Variants in ALG12 observed in about 807,000 individuals in gnomAD.
ALG12 encodes ALG12 alpha-1,6-mannosyltransferase.
Under a neutral mutation model 46.0 loss-of-function variants are expected in ALG12, and 36 were observed. The observed-to-expected ratio is 0.78, with a 90% CI of 0.60 to 1.03. The LOEUF (loss-of-function observed/expected upper bound fraction) is 1.03. Ranked by LOEUF, ALG12 falls within the 50% of genes least tolerant of loss-of-function variation. The probability of loss-of-function intolerance (pLI) is 0.00; values close to 1 mark genes in which losing one functional copy is unlikely to be tolerated. For synonymous variants in ALG12, 326 were observed against 291.6 expected (o/e 1.12, Z -1.20); for missense variants, 599 against 633.5 (o/e 0.95, Z 0.58).
chr22:49,914,743 A>T (rs996960511), intron 1 of ALG12, among the ~76,000 whole-genome samples: 16 of 152,120 alleles, frequency 1.1e-4, no homozygotes, highest in Middle Eastern at 3.2e-3. Flanking sequence ...TACTTTAAAA[A>T]TTTTTTTTAA....
chr22:49,903,227 C>T lies in ALG12; in HGVS notation c.*611G>A, dbSNP rs2060524046. On this transcript the variant is annotated 3_prime_UTR_variant, in exon 10 of 10. Coordinates refer to ENST00000330817, the MANE Select transcript of ALG12 (RefSeq NM_024105.4). ...TATTTTCTGTAATCTTGAGAGGTTC[C>T]AATCAACATTTATTGCCTTATTCTT... The T allele has an allele frequency of 4.8e-6, 2 of 414,798 alleles. No homozygotes were observed. The highest frequency in any genetic ancestry group is 9.5e-6 in the Non-Finnish European group (2 of 209,628). 25.7% of individuals were successfully genotyped at this position (414,798 alleles called of 1,614,324 possible).
chr22:49,862,719 T>TC, the ALG12 span, among the ~76,000 whole-genome samples: 3 of 105,056 alleles, frequency 2.9e-5, no homozygotes, highest in African/African-American at 8.4e-5. Context: ...TTTTTTTTTT[T>TC]AGACTTAAGT....
the ALG12 span, chr22:49,885,123 G>C: frequency 6.8e-6 from 11 of 1,614,120 alleles, no homozygotes; most frequent in Admixed American, 1.8e-4. Flanking sequence ...TCAGCCGGGG[G>C]AAGAAGGGTG....
the ALG12 span, among the ~76,000 whole-genome samples, chr22:49,890,433 C>T: frequency 6.6e-6 from 1 of 152,188 alleles, no homozygotes; most frequent in Non-Finnish European, 1.5e-5. Flanking sequence ...GAATTGCAGG[C>T]TCTGGGAATT....
In ALG12 at chr22:49,902,347, GGT is replaced by G. The variant is rs1232833964; in HGVS notation, c.*1489_*1490del. 2 of 127,446 alleles carry G rather than the reference GGT, an allele frequency of 1.6e-5. No homozygotes were observed. The highest frequency in any genetic ancestry group is 3.2e-5 in the Non-Finnish European group (2 of 62,620). The allele number at this position is 127,446 out of a possible 1,614,324, so 7.9% of individuals were successfully genotyped here. ...TAATGTGCACGTGTGCACTGTGTGTGGTGTGTATGCATGGTGTGTGCACGTGT... is the reference window on the plus strand; with the variant it reads ...TAATGTGCACGTGTGCACTGTGTGTGGTGTATGCATGGTGTGTGCACGTGT... On this transcript the variant is annotated 3_prime_UTR_variant, in exon 10 of 10. Coordinates refer to ENST00000330817, the MANE Select transcript of ALG12 (RefSeq NM_024105.4).
chr22:49,900,469 T>C lies in ALG12; in HGVS notation c.*3369A>G, dbSNP rs1035587996. ...CAAACGGGAAGGATGAACCCAGCTG[T>C]ATTTCCAACGAAGGCACCACTACAC... On this transcript the variant is annotated 3_prime_UTR_variant, in exon 10 of 10. Transcript: ENST00000330817. The C allele has an allele frequency of 1.3e-5, 2 of 152,180 alleles. No homozygotes were observed. The highest frequency in any genetic ancestry group is 2.9e-5 in the Non-Finnish European group (2 of 68,110). The allele number at this position is 152,180 out of a possible 1,614,324, so 9.4% of individuals were successfully genotyped here. A position where few individuals can be genotyped will look rare whatever the true frequency, so the allele number is the denominator to read the frequency against.
chr22:49,872,071 G>A, the ALG12 span, among the ~76,000 whole-genome samples: 2 of 152,214 alleles, frequency 1.3e-5, no homozygotes, highest in Admixed American at 6.5e-5. Context: ...AGACAATGAA[G>A]TTTGCTACAT....
downstream of ALG12, among the ~76,000 whole-genome samples, chr22:49,897,528 T>C (rs564520503): frequency 6.6e-6 from 1 of 152,324 alleles, no homozygotes; most frequent in African/African-American, 2.4e-5. Context: ...AACAAGTGCG[T>C]AGTGGTGTCT....
chr22:49,883,346 G>C, the ALG12 span: 4 of 221,344 alleles, frequency 1.8e-5, no homozygotes, highest in Non-Finnish European at 3.6e-5. Context: ...AATGCACAAG[G>C]GTCACGTGTA....
chr22:49,865,166 C>T, the ALG12 span, among the ~76,000 whole-genome samples: 1 of 152,116 alleles, frequency 6.6e-6, no homozygotes, highest in Admixed American at 6.6e-5. Flanking sequence ...CACTCCGAGG[C>T]TGCAACTCTG....
chr22:49,862,960 C>T, the ALG12 span, among the ~76,000 whole-genome samples: 5 of 152,074 alleles, frequency 3.3e-5, no homozygotes, highest in African/African-American at 1.2e-4. Context: ...CCTCAGCCTC[C>T]CAAAATGCTG....
intron 3 of ALG12, among the ~76,000 whole-genome samples, chr22:49,912,453 C>A (rs1048109540): frequency 5.9e-5 from 9 of 152,154 alleles, no homozygotes; most frequent in Non-Finnish European, 8.8e-5. Flanking sequence ...GGCTCGTGGC[C>A]CCCCAACTCC....
the ALG12 span, among the ~76,000 whole-genome samples, chr22:49,875,798 A>G: frequency 1.3e-5 from 2 of 152,166 alleles, no homozygotes; most frequent in Non-Finnish European, 2.9e-5. Context: ...TTATATATGT[A>G]GGATCTGTAG....
chr22:49,887,239 A>C, the ALG12 span: 1 of 1,535,862 alleles, frequency 6.5e-7, no homozygotes, highest in Non-Finnish European at 8.8e-7. Flanking sequence ...AGCCTGTACC[A>C]GGTCTATGAC....
chr22:49,899,336 G>A (rs1338401892), downstream of ALG12, among the ~76,000 whole-genome samples: 2 of 152,152 alleles, frequency 1.3e-5, no homozygotes, highest in Non-Finnish European at 2.9e-5. Context: ...AAATTAGCCG[G>A]GCATGGTGGT....
rs1217316136 is a variant in ALG12, at chr22:49,905,416, T to C, written c.993-910A>G. ...CCCCACCAAATCTCATGTCCAACTG[T>C]GATCCCCAATGCTGGAGGTGGGGCC... On this transcript the variant is annotated intron_variant, in intron 7 of 9. Transcript: ENST00000330817. The surrounding 1 kb of genome is among the most constrained non-coding windows in gnomAD (Gnocchi z 4.9). 1.3e-5 allele frequency among the ~76,000 whole-genome samples: 2 copies of C among 152,174 alleles called. No homozygotes were observed. The highest frequency in any genetic ancestry group is 4.8e-5 in the African/African-American group (2 of 41,444).
chr22:49,884,233 C>T, the ALG12 span: 3 of 1,601,760 alleles, frequency 1.9e-6, no homozygotes, highest in Non-Finnish European at 2.6e-6. Flanking sequence ...CCTGCTTCCA[C>T]CACAGCCTGC....
At chr22:49,870,076 A>G in the ALG12 span, among the ~76,000 whole-genome samples, 1 of 152,128 alleles carries the variant, frequency 6.6e-6, no homozygotes, top group South Asian at 2.1e-4. Context: ...AACATGTGGT[A>G]TCCGGTTTTC....
At chr22:49,885,878 A>G in the ALG12 span, 1 of 1,251,588 alleles carries the variant, frequency 8.0e-7, no homozygotes, top group Non-Finnish European at 1.2e-6. Flanking sequence ...ATGAGTAACC[A>G]GACCCGTGAG....
Sources: gnomAD v4.1 joint callset for allele counts (sites outside exome capture counted in the v4.1 genomes callset) on GRCh38, gnomAD v4.1.1 for gene constraint, Gnocchi (gnomAD v3.1) non-coding constraint, MANE v1.5 for transcripts, NCBI Gene and HGNC (gene_info 2026-07-23, HGNC 2026-07-21) for gene names.